The following PRKN variants were observed in gnomAD, a reference collection of about 807,000 sequenced individuals.
The protein encoded by PRKN is E3 ubiquitin-protein ligase parkin.
PRKN carries 56 observed loss-of-function variants against 59.5 expected under a neutral mutation model. That is an observed-to-expected ratio of 0.94 (90% confidence interval 0.76 to 1.18). PRKN has a LOEUF of 1.18. Among genes scored for constraint, PRKN ranks in the 50% most tolerant of loss-of-function variants. PRKN has a pLI of 0.00. For missense variants in PRKN, 657 were observed against 596.4 expected, an observed-to-expected ratio of 1.10 and a Z score of -1.06; for synonymous variants, 250 against 222.1, an observed-to-expected ratio of 1.13 and a Z score of -1.12.
chr6:161,629,766 T>G (rs866649691), intron 7 of PRKN, among the ~76,000 whole-genome samples: 1 of 152,144 alleles, frequency 6.6e-6, no homozygotes, highest in South Asian at 2.1e-4. Context: ...GCACATAAGC[T>G]CGTGCTGAAG....
intron 3 of PRKN, among the ~76,000 whole-genome samples, chr6:162,214,048 ACCCCAGACACAT>A (rs1777529055): frequency 6.6e-6 from 1 of 151,830 alleles, no homozygotes; most frequent in Non-Finnish European, 1.5e-5. Flanking sequence ...TTAGGGAGTG[ACCCCAGACACAT>A]CCCCTATCTC....
rs1309867464 is a variant in PRKN, at chr6:161,480,449, T to C, written c.1083+68405A>G. On this transcript the variant is annotated intron_variant, in intron 9 of 11. Coordinates refer to ENST00000366898, the MANE Select transcript of PRKN (RefSeq NM_004562.3). The surrounding 1 kb of genome is among the most constrained non-coding windows in gnomAD (Gnocchi z 4.1). Reference sequence around the variant, plus strand: ...AATCTTAATTCTCTTATTTCACATATGAGAAAATTGAGAGCTTAAACAGCT... The same window carrying C: ...AATCTTAATTCTCTTATTTCACATACGAGAAAATTGAGAGCTTAAACAGCT... 6.6e-6 allele frequency among the ~76,000 whole-genome samples: 1 copy of C among 152,166 alleles called. No homozygotes were observed. Among genetic ancestry groups the C allele is most frequent in the Non-Finnish European group, 1.5e-5 (1 of 68,040 alleles).
At chr6:161,736,505 C>A (rs1018568279) in intron 7 of PRKN, among the ~76,000 whole-genome samples, 1 of 152,204 alleles carries the variant, frequency 6.6e-6, no homozygotes, top group Non-Finnish European at 1.5e-5. Flanking sequence ...GAGGGAGTTG[C>A]AACCAGCCTG....
intron 7 of PRKN, among the ~76,000 whole-genome samples, chr6:161,732,563 T>C (rs1787766377): frequency 6.6e-6 from 1 of 151,976 alleles, no homozygotes; most frequent in Non-Finnish European, 1.5e-5. Context: ...TAAACAAACA[T>C]TCAAGATGCA....
chr6:162,389,863 T>G (rs1304888239), intron 2 of PRKN, among the ~76,000 whole-genome samples: 1 of 152,218 alleles, frequency 6.6e-6, no homozygotes, highest in Non-Finnish European at 1.5e-5. Flanking sequence ...CTCTTTGCAC[T>G]AGGGTAACAA....
intron 1 of PRKN, among the ~76,000 whole-genome samples, chr6:162,603,643 C>T (rs866357794): frequency 3.3e-5 from 5 of 152,128 alleles, no homozygotes; most frequent in Non-Finnish European, 5.9e-5. Flanking sequence ...TTTACTGAAA[C>T]GAATAACAAT....
chr6:161,536,519 C>T (rs1436500634), intron 9 of PRKN, among the ~76,000 whole-genome samples: 2 of 152,118 alleles, frequency 1.3e-5, no homozygotes, highest in Non-Finnish European at 2.9e-5. Context: ...GCTGTGCACA[C>T]AGAGATTCTA....
intron 6 of PRKN, among the ~76,000 whole-genome samples, chr6:161,930,113 G>T (rs28608044): frequency 0.016 from 2,391 of 152,258 alleles, 63 homozygotes; most frequent in African/African-American, 0.055. Context: ...GACAGCCTGG[G>T]TTCCAGTCCC....
chr6:161,502,730 T>C lies in PRKN; in HGVS notation c.1083+46124A>G, dbSNP rs957254766. 6.6e-6 allele frequency among the ~76,000 whole-genome samples: 1 copy of C among 152,114 alleles called. No individual in the cohort carries two copies. The highest frequency in any genetic ancestry group is 2.4e-5 in the African/African-American group (1 of 41,426). On this transcript the variant is annotated intron_variant, in intron 9 of 11. Transcript: ENST00000366898. The surrounding 1 kb of genome is among the most constrained non-coding windows in gnomAD (Gnocchi z 4.0). ...CAGTGTTATCGGCTAGGACTAATGA[T>C]GGTGGAGCAGTGTCGGTGAGGGTAT...
At chr6:161,981,458 T>C (rs1781254624) in intron 5 of PRKN, among the ~76,000 whole-genome samples, 1 of 152,132 alleles carries the variant, frequency 6.6e-6, no homozygotes, top group Admixed American at 6.5e-5. Flanking sequence ...GGCAGGAGGA[T>C]CGCTTGAGCC....
intron 3 of PRKN, among the ~76,000 whole-genome samples, chr6:162,242,649 C>T (rs1380196231): frequency 6.6e-6 from 1 of 152,142 alleles, no homozygotes; most frequent in African/African-American, 2.4e-5. Flanking sequence ...CTACTCACAG[C>T]AACAAATGCC....
chr6:162,380,244 G>C (rs1295318406), intron 2 of PRKN, among the ~76,000 whole-genome samples: 2 of 151,718 alleles, frequency 1.3e-5, no homozygotes, highest in Non-Finnish European at 2.9e-5. Context: ...TATAGTGATA[G>C]CATTATAATG....
chr6:161,779,778 A>G (rs1790126791), intron 7 of PRKN, among the ~76,000 whole-genome samples: 1 of 151,906 alleles, frequency 6.6e-6, no homozygotes, highest in Non-Finnish European at 1.5e-5. Context: ...TTTTGTTATC[A>G]TTTTATTTTA....
At chr6:162,006,082 C>T (rs763237217) in intron 5 of PRKN, among the ~76,000 whole-genome samples, 1 of 152,058 alleles carries the variant, frequency 6.6e-6, no homozygotes, top group Admixed American at 6.6e-5. Context: ...ATAAAGTACA[C>T]GAGAGCTTTG....
chr6:162,044,638 C>A (rs1320502082), intron 5 of PRKN, among the ~76,000 whole-genome samples: 5 of 152,198 alleles, frequency 3.3e-5, no homozygotes, highest in East Asian at 1.9e-4. Context: ...GCTGAGTGGG[C>A]AGTCTGGCAC....
chr6:162,643,412 A>AGAAAG (rs1554257306), intron 1 of PRKN, among the ~76,000 whole-genome samples: 8 of 139,612 alleles, frequency 5.7e-5, no homozygotes, highest in South Asian at 4.7e-4. Flanking sequence ...AAAAAAAAAA[A>AGAAAG]AAAGAAAGAA....
chr6:162,408,302 A>C (rs574983643), intron 2 of PRKN, among the ~76,000 whole-genome samples: 3 of 152,212 alleles, frequency 2.0e-5, no homozygotes, highest in Admixed American at 1.3e-4. Flanking sequence ...GAAAAAAAAA[A>C]CAAAACAAAA....
intron 7 of PRKN, among the ~76,000 whole-genome samples, chr6:161,683,187 G>T (rs1250214572): frequency 6.6e-6 from 1 of 152,126 alleles, no homozygotes; most frequent in Admixed American, 6.5e-5. Flanking sequence ...AAGGAAGAAG[G>T]ACGGCTTCCC....
intron 9 of PRKN, among the ~76,000 whole-genome samples, chr6:161,532,715 T>A (rs1010752933): frequency 5.9e-5 from 9 of 152,174 alleles, no homozygotes; most frequent in Non-Finnish European, 1.3e-4. Context: ...GGCTGGAATG[T>A]CATGGTCAGA....
Sources: gnomAD v4.1 joint callset for allele counts (sites outside exome capture counted in the v4.1 genomes callset) on GRCh38, gnomAD v4.1.1 for gene constraint, Gnocchi (gnomAD v3.1) non-coding constraint, MANE v1.5 for transcripts, NCBI Gene and HGNC (gene_info 2026-07-23, HGNC 2026-07-21) for gene names.